The following ST7 variants were observed in gnomAD, a reference collection of about 807,000 sequenced individuals.
The protein encoded by ST7 is suppression of tumorigenicity 7.
In ST7, 28 loss-of-function variants were observed where a neutral mutation model predicts 78.7. That is an observed-to-expected ratio of 0.36 (90% CI 0.26 to 0.49). The LOEUF (loss-of-function observed/expected upper bound fraction) is 0.49. Among genes scored for constraint, ST7 ranks in the 20% least tolerant of loss-of-function variants. The pLI, the probability that ST7 is intolerant of heterozygous loss-of-function variation, is 0.99. For missense variants in ST7, 418 were observed against 696.0 expected, an observed-to-expected ratio of 0.60 and a Z score of 4.49; for synonymous variants, 247 against 249.6, an observed-to-expected ratio of 0.99 and a Z score of 0.10.
rs148693554 is a variant in ST7 at position 117,099,164 on chromosome 7, C to T, written c.152-598C>T. Among the ~76,000 whole-genome samples the T allele has an allele frequency of 5.1e-4, 77 of 150,294 alleles. No individual in the cohort carries two copies. In the East Asian group the frequency reaches 0.011, roughly 22 times the overall value. On this transcript the variant is annotated intron_variant, in intron 1 of 15. Transcript: ENST00000323984. ...CATTGACTCCATTTATTTCGATGAC[C>T]AGTTTAAAAACCTTTTAAGTAAGTT...
intron 10 of ST7, chr7:117,182,790 A>G (rs1808880198): frequency 6.6e-6 from 1 of 152,204 alleles, no homozygotes; most frequent in Non-Finnish European, 1.5e-5. Context: ...TCTAATTCTC[A>G]TATTTTGAAA....
At chr7:116,959,645 T>C (rs752138030) in intron 1 of ST7, 7 of 159,182 alleles carry the variant, frequency 4.4e-5, no homozygotes, top group Non-Finnish European at 8.2e-5. Context: ...ATATATTCTA[T>C]GATGGGCCAT....
At chr7:117,116,434 C>G (rs925921692) in intron 2 of ST7, among the ~76,000 whole-genome samples, 1 of 152,074 alleles carries the variant, frequency 6.6e-6, no homozygotes, top group Non-Finnish European at 1.5e-5. Context: ...CACCATCTGC[C>G]CATTTGGATC....
chr7:117,122,297 C>G (rs1180124238), intron 3 of ST7, among the ~76,000 whole-genome samples: 1 of 152,150 alleles, frequency 6.6e-6, no homozygotes, highest in Non-Finnish European at 1.5e-5. Flanking sequence ...AATCTGGAAC[C>G]TGGGCCTTAT....
intron 10 of ST7, among the ~76,000 whole-genome samples, chr7:117,187,188 C>T (rs1317933760): frequency 6.6e-6 from 1 of 152,034 alleles, no homozygotes; most frequent in Non-Finnish European, 1.5e-5. Context: ...CTAAATAAAC[C>T]AGCCATGCAA....
chr7:117,157,248 GC>G (rs1806771958), intron 9 of ST7, among the ~76,000 whole-genome samples: 1 of 152,166 alleles, frequency 6.6e-6, no homozygotes, highest in African/African-American at 2.4e-5. Flanking sequence ...ACGAGGAGAA[GC>G]CAGCCCTACA....
intron 9 of ST7, among the ~76,000 whole-genome samples, chr7:117,152,177 CTATATATATATATATATATATATATA>C (rs58892731): frequency 0.026 from 1,707 of 66,872 alleles, 68 homozygotes; most frequent in Middle Eastern, 0.098. Flanking sequence ...TATATAAAAA[CTATATATATATATATATATATATATA>C]TATATATATA....
intron 1 of ST7, among the ~76,000 whole-genome samples, chr7:116,955,702 T>G (rs1792435797): frequency 1.3e-5 from 2 of 152,222 alleles, no homozygotes; most frequent in Admixed American, 6.5e-5. Context: ...TGTGTAAGTG[T>G]CACATCCAGT....
chr7:116,958,532 T>C (rs1479117612), intron 1 of ST7: 6 of 454,922 alleles, frequency 1.3e-5, no homozygotes, highest in Non-Finnish European at 4.6e-6. Context: ...TTTGCCCCTG[T>C]TGTGCCTGTT....
intron 1 of ST7, among the ~76,000 whole-genome samples, chr7:117,098,268 G>T (rs1220603995): frequency 1.3e-5 from 2 of 151,604 alleles, no homozygotes; most frequent in African/African-American, 4.9e-5. Flanking sequence ...GCATCTGCTT[G>T]GAAAGGCCCA....
chr7:117,172,599 T>A (rs2117276968), intron 10 of ST7, among the ~76,000 whole-genome samples: 1 of 152,332 alleles, frequency 6.6e-6, no homozygotes, highest in South Asian at 2.1e-4. Context: ...AAAATCTTAC[T>A]CATGGTTCAG....
At chr7:117,063,373 T>C (rs1350831933) in intron 1 of ST7, among the ~76,000 whole-genome samples, 1 of 152,228 alleles carries the variant, frequency 6.6e-6, no homozygotes, top group African/African-American at 2.4e-5. Context: ...TTTCTTTCAA[T>C]TGATAGGACA....
chr7:117,120,666 C>G (rs1341345948), intron 3 of ST7, among the ~76,000 whole-genome samples: 1 of 152,210 alleles, frequency 6.6e-6, no homozygotes, highest in Non-Finnish European at 1.5e-5. Context: ...CCTGGGAAGC[C>G]TTCTCTGATA....
chr7:117,070,821 G>T (rs1313313947), intron 1 of ST7, among the ~76,000 whole-genome samples: 1 of 152,082 alleles, frequency 6.6e-6, no homozygotes, highest in Non-Finnish European at 1.5e-5. Flanking sequence ...GGGATTATAG[G>T]CGTGAGCCAC....
intron 5 of ST7, 36 bp downstream of exon 5, chr7:117,130,642 G>T: frequency 1.3e-6 from 2 of 1,520,638 alleles, no homozygotes; most frequent in South Asian, 1.1e-5. Context: ...GAATGGGAGG[G>T]CTTTTTGGCT....
chr7:116,991,933 A>G (rs962802706), intron 1 of ST7, among the ~76,000 whole-genome samples: 1 of 152,128 alleles, frequency 6.6e-6, no homozygotes, highest in Non-Finnish European at 1.5e-5. Flanking sequence ...AACCAAGTCT[A>G]AAATCTAGTG....
intron 7 of ST7, 72 bp downstream of exon 7, chr7:117,134,264 C>A: frequency 2.8e-5 from 45 of 1,596,884 alleles, no homozygotes; most frequent in Non-Finnish European, 3.8e-5. Flanking sequence ...GGATGGTTGA[C>A]ACCCCCATCA....
chr7:117,078,613 A>C (rs1468641404), intron 1 of ST7, among the ~76,000 whole-genome samples: 1 of 152,222 alleles, frequency 6.6e-6, no homozygotes, highest in Admixed American at 6.5e-5. Context: ...GCTGAATGTC[A>C]GCCACATGGT....
chr7:116,994,179 C>T (rs1794548490), intron 1 of ST7, among the ~76,000 whole-genome samples: 2 of 152,158 alleles, frequency 1.3e-5, no homozygotes, highest in South Asian at 4.1e-4. Context: ...TCCTGCTAAC[C>T]CTTGGCAATC....
Sources: allele counts gnomAD v4.1 joint callset (sites outside exome capture counted in the v4.1 genomes callset), GRCh38; gene constraint gnomAD v4.1.1; transcripts MANE v1.5; gene names NCBI Gene and HGNC (gene_info 2026-07-23, HGNC 2026-07-21).